KIAA1671: variants seen among roughly 807,000 people sequenced by gnomAD.
The protein encoded by KIAA1671 is KIAA1671.
Under a neutral mutation model 131.2 loss-of-function variants are expected in KIAA1671, and 52 were observed. That is an observed-to-expected ratio of 0.40 (90% CI 0.32 to 0.50). The LOEUF (loss-of-function observed/expected upper bound fraction) is 0.50, where lower values mean the gene tolerates loss of function less well. KIAA1671 is among the 20% of genes least tolerant of loss of function. The pLI, the probability that KIAA1671 is intolerant of heterozygous loss-of-function variation, is 0.73. For synonymous variants in KIAA1671, 1,003 were observed against 961.6 expected (o/e 1.04, Z -0.80); for missense variants, 2,360 against 2,364.2 (o/e 1.00, Z 0.04).
At chr22:24,964,819 G>A (rs555288519) in intron 1 of KIAA1671, among the ~76,000 whole-genome samples, 11 of 152,232 alleles carry the variant, frequency 7.2e-5, no homozygotes, top group Admixed American at 7.2e-4. Flanking sequence ...CATACTACTG[G>A]GAATGGGGAA....
intron 6 of KIAA1671, among the ~76,000 whole-genome samples, chr22:25,125,362 G>A (rs1932128989): frequency 6.6e-6 from 1 of 152,122 alleles, no homozygotes; most frequent in Admixed American, 6.5e-5. Context: ...TATCTATGTC[G>A]GGTCTGTTTT....
In KIAA1671 at chr22:25,029,282, G is replaced by A; in HGVS notation, c.1283G>A (p.Gly428Glu). 6.6e-7 allele frequency: 1 copy of A among 1,514,430 alleles called. No homozygotes were observed. The highest frequency in any genetic ancestry group is 8.9e-7 in the Non-Finnish European group (1 of 1,126,174). 93.8% of individuals were successfully genotyped at this position (1,514,430 alleles called of 1,614,324 possible). The change falls in exon 3 of 13, where the codon GGG becomes GAG. Residue 428 changes from glycine to glutamate, a missense_variant. Transcript: ENST00000358431. ...SRVADGEAAA[G>E]GEWASRRSVR... Reference sequence around the variant, plus strand: ...GTGGCGGATGGGGAGGCCGCGGCAGGGGGAGAGTGGGCCTCCAGGAGGAGT... The same window carrying A: ...GTGGCGGATGGGGAGGCCGCGGCAGAGGGAGAGTGGGCCTCCAGGAGGAGT...
chr22:25,164,266 TTCCAGTC>T (rs1211209409), intron 6 of KIAA1671, among the ~76,000 whole-genome samples: 1 of 152,180 alleles, frequency 6.6e-6, no homozygotes, highest in Non-Finnish European at 1.5e-5. Flanking sequence ...AGAGCCTGGG[TTCCAGTC>T]TCCCCAGCTC....
chr22:25,149,922 A>AC (rs1932978828), intron 6 of KIAA1671, among the ~76,000 whole-genome samples: 7 of 151,146 alleles, frequency 4.6e-5, no homozygotes, highest in Admixed American at 4.6e-4. Flanking sequence ...GCCTTCCCTG[A>AC]CCCCCTCCCC....
At chr22:25,120,883 G>T (rs1931903215) in intron 6 of KIAA1671, among the ~76,000 whole-genome samples, 2 of 152,142 alleles carry the variant, frequency 1.3e-5, no homozygotes, top group Non-Finnish European at 2.9e-5. Flanking sequence ...TCCCGTTCTG[G>T]GCTACCAGGA....
intron 1 of KIAA1671, among the ~76,000 whole-genome samples, chr22:24,995,207 T>A (rs571029469): frequency 6.6e-6 from 1 of 151,766 alleles, no homozygotes; most frequent in Non-Finnish European, 1.5e-5. Context: ...CCCGCCACCA[T>A]GCCTGGCTAA....
intron 1 of KIAA1671, among the ~76,000 whole-genome samples, chr22:24,957,223 G>A (rs998556968): frequency 6.6e-6 from 1 of 152,116 alleles, no homozygotes; most frequent in African/African-American, 2.4e-5. Flanking sequence ...GTGACCCACA[G>A]GTGATACTTG....
chr22:25,123,705 G>A (rs1932052522), intron 6 of KIAA1671, among the ~76,000 whole-genome samples: 1 of 152,188 alleles, frequency 6.6e-6, no homozygotes, highest in Non-Finnish European at 1.5e-5. Flanking sequence ...CAGCCTGCAG[G>A]TGAAACTGCA....
chr22:25,100,528 G>T (rs980831300), intron 6 of KIAA1671, among the ~76,000 whole-genome samples: 1 of 152,210 alleles, frequency 6.6e-6, no homozygotes, highest in Admixed American at 6.5e-5. Context: ...CCCAGGCTTT[G>T]AGTTCCACCC....
chr22:24,960,222 ATTTCAGAATGTGT>A (rs1921942468), intron 1 of KIAA1671, among the ~76,000 whole-genome samples: 1 of 151,858 alleles, frequency 6.6e-6, no homozygotes, highest in Non-Finnish European at 1.5e-5. Context: ...GTACTTTCCC[ATTTCAGAATGTGT>A]TGATTTACCT....
intron 9 of KIAA1671, among the ~76,000 whole-genome samples, chr22:25,181,410 C>A (rs997927798): frequency 6.6e-6 from 1 of 152,152 alleles, no homozygotes; most frequent in Non-Finnish European, 1.5e-5. Flanking sequence ...CTTCTATTCC[C>A]TGACTTGGAA....
intron 1 of KIAA1671, among the ~76,000 whole-genome samples, chr22:24,986,271 G>A (rs1923527684): frequency 2.0e-5 from 3 of 152,146 alleles, no homozygotes; most frequent in Admixed American, 2.0e-4. Context: ...TCCCTATGTA[G>A]TCAGTCTTCC....
chr22:25,069,067 C>T (rs368678093), intron 6 of KIAA1671, among the ~76,000 whole-genome samples: 3 of 152,246 alleles, frequency 2.0e-5, no homozygotes, highest in South Asian at 2.1e-4. Context: ...GATCCAGGAG[C>T]GTCTGGCTTG....
At chr22:25,010,596 C>T (rs1014620313) in intron 1 of KIAA1671, 1 of 152,148 alleles carries the variant, frequency 6.6e-6, no homozygotes, top group Non-Finnish European at 1.5e-5. Context: ...GTATCATTGA[C>T]CTTACTCGTA....
intron 6 of KIAA1671, among the ~76,000 whole-genome samples, chr22:25,089,722 C>T (rs1255688774): frequency 1.3e-5 from 2 of 152,146 alleles, no homozygotes; most frequent in African/African-American, 4.8e-5. Flanking sequence ...TTCTTCCTTG[C>T]ACTGTAATTT....
chr22:25,170,212 C>T (rs1933797336), intron 6 of KIAA1671, among the ~76,000 whole-genome samples: 2 of 152,192 alleles, frequency 1.3e-5, no homozygotes, highest in African/African-American at 2.4e-5. Flanking sequence ...CATGCCCGGC[C>T]GTAATTTCAT....
intron 11 of KIAA1671, chr22:25,185,383 G>A: frequency 2.3e-6 from 1 of 427,790 alleles, no homozygotes; most frequent in Non-Finnish European, 4.1e-6. Context: ...GAACGCCAGG[G>A]CACCATTGCT....
rs1934840057 is a variant in KIAA1671 at position 25,196,740 on chromosome 22, T to C, written c.*4339T>C. The C allele has an allele frequency of 6.6e-6, 1 of 152,186 alleles. No homozygotes were observed. Among genetic ancestry groups the C allele is most frequent in the South Asian group, 2.1e-4 (1 of 4,826 alleles). The allele number at this position is 152,186 out of a possible 1,614,324, so 9.4% of individuals were successfully genotyped here. ...CCTGAGCCACCATGCCCAGCTGAAT[T>C]TGAGCTTTTTAATAATCTCATTCCA... On this transcript the variant is annotated 3_prime_UTR_variant, in exon 13 of 13. Transcript: ENST00000358431.
chr22:25,105,591 A>G (rs1365641788), intron 6 of KIAA1671, among the ~76,000 whole-genome samples: 1 of 152,168 alleles, frequency 6.6e-6, no homozygotes, highest in Non-Finnish European at 1.5e-5. Context: ...CAGGAAGCGA[A>G]GCTTTTTATA....
Sources: gnomAD v4.1 joint callset for allele counts (sites outside exome capture counted in the v4.1 genomes callset) on GRCh38, gnomAD v4.1.1 for gene constraint, MANE v1.5 for transcripts, NCBI Gene and HGNC (gene_info 2026-07-23, HGNC 2026-07-21) for gene names.